The following MYO5B variants were observed in gnomAD, a reference collection of about 807,000 sequenced individuals.
MYO5B encodes myosin VB, also known as unconventional myosin-Vb.
Under a neutral mutation model 229.3 loss-of-function variants are expected in MYO5B, and 143 were observed. The observed-to-expected ratio is 0.62, with a 90% CI of 0.54 to 0.72. The LOEUF is 0.72. Among genes scored for constraint, MYO5B ranks in the 30% least tolerant of loss-of-function variants. The probability of loss-of-function intolerance (pLI) is 0.00; values close to 1 mark genes in which losing one functional copy is unlikely to be tolerated. For synonymous variants in MYO5B, 918 were observed against 885.2 expected (o/e 1.04, Z -0.66); for missense variants, 2,321 against 2,331.0 (o/e 1.00, Z 0.09).
Position 50,189,277 on chromosome 18 carries a change from A to G in MYO5B, c.27+5490T>C, listed in dbSNP as rs530722035. On this transcript the variant is annotated intron_variant, in intron 1 of 39. Coordinates refer to ENST00000285039, the MANE Select transcript of MYO5B (RefSeq NM_001080467.3). ...GCAGTGTTTTCCGGAAAAGACTGGT[A>G]GGGGAGTAGAGAAGGTGGACAAGAG... 2.6e-5 allele frequency among the ~76,000 whole-genome samples: 4 copies of G among 152,296 alleles called. No individual in the cohort carries two copies. In the South Asian group the frequency reaches 8.3e-4, roughly 32 times the overall value.
At chr18:50,007,506 C>G (rs900309194) in intron 4 of MYO5B, among the ~76,000 whole-genome samples, 2 of 152,180 alleles carry the variant, frequency 1.3e-5, no homozygotes, top group Admixed American at 6.5e-5. Flanking sequence ...TTGCTTTAAG[C>G]CTTCCAATGG....
chr18:50,174,360 T>A (rs914504067), intron 1 of MYO5B, among the ~76,000 whole-genome samples: 8 of 152,004 alleles, frequency 5.3e-5, no homozygotes, highest in Non-Finnish European at 1.0e-4. Flanking sequence ...TCAGCCCCCA[T>A]CAGCCCCTAG....
chr18:49,919,248 T>A (rs780942488), intron 17 of MYO5B, among the ~76,000 whole-genome samples: 1 of 152,200 alleles, frequency 6.6e-6, no homozygotes, highest in Non-Finnish European at 1.5e-5. Context: ...TGTTAGTTAG[T>A]CTTTGTGACC....
chr18:49,885,285 C>T (rs1278307879), intron 22 of MYO5B, among the ~76,000 whole-genome samples: 1 of 152,142 alleles, frequency 6.6e-6, no homozygotes, highest in African/African-American at 2.4e-5. Context: ...TCAAAAATGA[C>T]CTCCTCAGGA....
intron 22 of MYO5B, among the ~76,000 whole-genome samples, chr18:49,888,423 C>A (rs972326625): frequency 6.6e-6 from 1 of 152,046 alleles, no homozygotes; most frequent in African/African-American, 2.4e-5. Flanking sequence ...AGGTGGGGGT[C>A]ATCTGGATTA....
chr18:50,017,733 C>G (rs908201311), intron 4 of MYO5B, among the ~76,000 whole-genome samples: 45 of 152,138 alleles, frequency 3.0e-4, no homozygotes, highest in African/African-American at 1.1e-3. Context: ...TTGAGCCCAT[C>G]AAAATCTAAT....
chr18:50,040,508 A>G (rs961181127), intron 2 of MYO5B, among the ~76,000 whole-genome samples, 194 bp from the exon 3 acceptor site: 17 of 152,230 alleles, frequency 1.1e-4, no homozygotes, highest in African/African-American at 4.1e-4. Context: ...AAATTTGCTG[A>G]TAACATAACC....
chr18:50,176,196 G>A (rs982506954), intron 1 of MYO5B, among the ~76,000 whole-genome samples: 1 of 152,162 alleles, frequency 6.6e-6, no homozygotes, highest in Non-Finnish European at 1.5e-5. Context: ...TAATGCTAAA[G>A]TCAATATTAA....
At chr18:49,945,733 T>G in intron 14 of MYO5B, among the ~76,000 whole-genome samples, 1 of 105,342 alleles carries the variant, frequency 9.5e-6, no homozygotes, top group South Asian at 3.4e-4. Context: ...AGGAGCAGAA[T>G]GGGCTGGTGG....
intron 1 of MYO5B, among the ~76,000 whole-genome samples, chr18:50,061,818 T>C (rs1175197746): frequency 6.6e-6 from 1 of 152,220 alleles, no homozygotes; most frequent in Non-Finnish European, 1.5e-5. Context: ...ACAGGGACAT[T>C]TGAAACCTGC....
chr18:50,104,265 G>GATATATATATATATATACATATATAT (rs2031712608), intron 1 of MYO5B, among the ~76,000 whole-genome samples: 2 of 134,572 alleles, frequency 1.5e-5, no homozygotes, highest in African/African-American at 5.5e-5. Flanking sequence ...ATCTATACAT[G>GATATATATATATATATACATATATAT]ATATATATAT....
At chr18:50,020,714 AG>A (rs2026264766) in intron 4 of MYO5B, among the ~76,000 whole-genome samples, 2 of 152,238 alleles carry the variant, frequency 1.3e-5, no homozygotes, top group Admixed American at 6.5e-5. Context: ...CTCAGGCAGC[AG>A]GGGTAGAAAT....
At chr18:49,929,902 C>T (rs935856161) in intron 16 of MYO5B, among the ~76,000 whole-genome samples, 4 of 152,078 alleles carry the variant, frequency 2.6e-5, no homozygotes, top group Admixed American at 2.0e-4. Flanking sequence ...CCCTCCAAGA[C>T]TCATCATTCC....
chr18:50,053,209 TG>T (rs1298563713), intron 2 of MYO5B, among the ~76,000 whole-genome samples: 1 of 152,198 alleles, frequency 6.6e-6, no homozygotes, highest in East Asian at 1.9e-4. Flanking sequence ...CAGACTCAGA[TG>T]TTCAGAGCCC....
chr18:50,117,474 A>G (rs1485100760), intron 1 of MYO5B, among the ~76,000 whole-genome samples: 1 of 152,180 alleles, frequency 6.6e-6, no homozygotes, highest in African/African-American at 2.4e-5. Flanking sequence ...TGGAATTTTC[A>G]AAGTTTAGAT....
In MYO5B at chr18:49,902,714, G is replaced by C. The variant is rs1313264641; in HGVS notation, c.2691C>G (p.Leu897=). Residue 897 remains leucine, a synonymous_variant, in exon 21 of 40, where the codon CTC becomes CTG. Transcript: ENST00000285039. ...AIVIQCAFRM[L]KARRELKALR... ...GGGCCTTCAGCTCCCGCCTGGCCTTGAGCATCCGGAAGGCACACTGGATGA... is the reference window on the plus strand; with the variant it reads ...GGGCCTTCAGCTCCCGCCTGGCCTTCAGCATCCGGAAGGCACACTGGATGA... 7 of 1,611,232 alleles carry C rather than the reference G, an allele frequency of 4.3e-6. No homozygotes were observed. In the East Asian group the frequency reaches 8.9e-5, roughly 21 times the overall value.
chr18:49,974,288 T>C lies in MYO5B; in HGVS notation c.1322+62A>G, dbSNP rs12956684. On this transcript the variant is annotated intron_variant, in intron 10 of 39. Coordinates refer to ENST00000285039, the MANE Select transcript of MYO5B (RefSeq NM_001080467.3). ...AGCTCTCCAATGCCCCTGCTGGCTG[T>C]AAAGTATGAGCAGGAAGCCACTCCC... 2,809 of 1,610,260 alleles carry C rather than the reference T, an allele frequency of 1.7e-3. 8 individuals carry two copies. The highest frequency in any genetic ancestry group is 4.8e-3 in the Middle Eastern group (29 of 6,048).
intron 4 of MYO5B, among the ~76,000 whole-genome samples, chr18:50,012,951 T>C (rs61395593): frequency 0.017 from 2,607 of 152,256 alleles, 64 homozygotes; most frequent in African/African-American, 0.055. Context: ...ATAATCAACC[T>C]CACGGCTTAG....
intron 1 of MYO5B, among the ~76,000 whole-genome samples, chr18:50,122,533 C>A (rs1426048061): frequency 7.2e-6 from 1 of 137,980 alleles, no homozygotes; most frequent in African/African-American, 2.7e-5. Flanking sequence ...ATCCCTTAAA[C>A]CTGGGAAGCA....
Sources: allele counts gnomAD v4.1 joint callset (sites outside exome capture counted in the v4.1 genomes callset), GRCh38; gene constraint gnomAD v4.1.1; transcripts MANE v1.5; gene names NCBI Gene and HGNC (gene_info 2026-07-23, HGNC 2026-07-21).